The following ZNF407 variants were observed in gnomAD, a reference collection of about 807,000 sequenced individuals.
ZNF407 encodes zinc finger protein 407.
ZNF407 carries 17 observed loss-of-function variants against 131.2 expected under a neutral mutation model. The observed-to-expected ratio is 0.13, with a 90% CI of 0.09 to 0.19. The LOEUF (loss-of-function observed/expected upper bound fraction) is 0.19. Ranked by LOEUF, ZNF407 falls within the 10% of genes least tolerant of loss-of-function variation. ZNF407 has a pLI of 1.00. For synonymous variants in ZNF407, 1,156 were observed against 1,062.0 expected, an observed-to-expected ratio of 1.09 and a Z score of -1.72; for missense variants, 2,681 against 2,830.6, an observed-to-expected ratio of 0.95 and a Z score of 1.20.
chr18:74,634,699 G>C lies in ZNF407; in HGVS notation c.3680G>C (p.Arg1227Pro), dbSNP rs752581906. 2 of 1,613,946 alleles carry C rather than the reference G, an allele frequency of 1.2e-6. No individual in the cohort carries two copies. The highest frequency in any genetic ancestry group is 3.3e-5 in the Admixed American group (2 of 60,014). ...ATATCGAATGATGCAGGTGAGCTGCGTGTCCATTGTGAGGGTGAAGGAGGA... is the reference window on the plus strand; with the variant it reads ...ATATCGAATGATGCAGGTGAGCTGCCTGTCCATTGTGAGGGTGAAGGAGGA... The part of the protein sequence containing the change: ...HEISNDAGEL[R>P]VHCEGEGGNA... Residue 1227 changes from arginine to proline, a missense_variant, in exon 2 of 9, where the codon CGT (arginine) becomes CCT (proline). Arg to Pro is a moderately radical substitution (Grantham distance 103, BLOSUM62 -2). This residue lies in a region of ZNF407 where 1,789 missense variants were observed against 1,748.7 expected (regional missense o/e 1.02). Coordinates refer to ENST00000299687, the MANE Select transcript of ZNF407 (RefSeq NM_017757.3).
intron 8 of ZNF407, among the ~76,000 whole-genome samples, chr18:75,045,207 AT>A (rs1384515905): frequency 2.0e-5 from 3 of 152,156 alleles, no homozygotes; most frequent in Non-Finnish European, 4.4e-5. Flanking sequence ...AAATGTGCAG[AT>A]GTGATCGTCT....
chr18:74,834,622 G>A (rs1273413404), intron 4 of ZNF407, among the ~76,000 whole-genome samples: 2 of 152,154 alleles, frequency 1.3e-5, no homozygotes, highest in Admixed American at 1.3e-4. Flanking sequence ...ATCATACATG[G>A]AAACTTCTGG....
chr18:75,039,601 G>A (rs974590339), intron 8 of ZNF407, among the ~76,000 whole-genome samples: 2 of 151,922 alleles, frequency 1.3e-5, no homozygotes, highest in African/African-American at 2.4e-5. Context: ...GTGTTATCCT[G>A]CATTTGCAGC....
rs1984116186 is a variant in ZNF407, at chr18:74,631,944, A to C, written c.925A>C (p.Lys309Gln). ...TGTTCACTCAAAACCAAGAACTTCT[A>C]AATCAATAGCAAAGAATAGTGATTC... ...KNVHSKPRTS[K>Q]SIAKNSDSKG... The change falls in exon 2 of 9, where the codon AAA becomes CAA. Residue 309 changes from lysine (K) to glutamine (Q), a missense_variant. By Grantham distance (53) the Lys-to-Gln change is moderately conservative. Coordinates refer to ENST00000299687, the MANE Select transcript of ZNF407 (RefSeq NM_017757.3). 1.2e-6 allele frequency: 2 copies of C among 1,613,880 alleles called. No homozygotes were observed. The highest frequency in any genetic ancestry group is 1.7e-5 in the Admixed American group (1 of 60,004).
intron 8 of ZNF407, among the ~76,000 whole-genome samples, chr18:75,014,631 C>A (rs1973021942): frequency 6.6e-6 from 1 of 151,970 alleles, no homozygotes; most frequent in Admixed American, 6.6e-5. Flanking sequence ...TTAAAACCAT[C>A]GACCAAAATA....
intron 3 of ZNF407, among the ~76,000 whole-genome samples, chr18:74,670,720 T>C (rs1005264230): frequency 6.6e-6 from 1 of 152,214 alleles, no homozygotes; most frequent in Admixed American, 6.5e-5. Context: ...GTGTGTTGCT[T>C]AGGCTGGAGC....
At chr18:74,647,185 G>A (rs1985010886) in intron 3 of ZNF407, among the ~76,000 whole-genome samples, 1 of 151,948 alleles carries the variant, frequency 6.6e-6, no homozygotes, top group South Asian at 2.1e-4. Context: ...GCTCATGCCT[G>A]TAATCCCAGC....
intron 3 of ZNF407, among the ~76,000 whole-genome samples, chr18:74,746,401 G>T (rs972068175): frequency 6.6e-6 from 1 of 151,966 alleles, no homozygotes. Flanking sequence ...GTATCTTACT[G>T]CAAGTTTTTC....
intron 3 of ZNF407, among the ~76,000 whole-genome samples, chr18:74,699,791 C>CT (rs1304484625): frequency 6.6e-6 from 1 of 152,152 alleles, no homozygotes; most frequent in Non-Finnish European, 1.5e-5. Flanking sequence ...TTAAATCATA[C>CT]TTTAAGTAAT....
At chr18:74,863,959 A>G (rs1318342985) in intron 4 of ZNF407, among the ~76,000 whole-genome samples, 1 of 152,042 alleles carries the variant, frequency 6.6e-6, no homozygotes. Context: ...TGTTTTTTTA[A>G]CTATCTTAGA....
intron 8 of ZNF407, among the ~76,000 whole-genome samples, chr18:74,950,242 A>G (rs1440401458): frequency 1.3e-5 from 2 of 152,236 alleles, no homozygotes; most frequent in Non-Finnish European, 2.9e-5. Context: ...AAACGCTTCA[A>G]TATGTGGCTG....
intron 3 of ZNF407, among the ~76,000 whole-genome samples, chr18:74,715,834 C>A (rs1189502142): frequency 6.6e-6 from 1 of 152,144 alleles, no homozygotes; most frequent in Non-Finnish European, 1.5e-5. Flanking sequence ...CATATTTTGA[C>A]CTGGAGAAGG....
chr18:74,920,050 C>T (rs2145240810), intron 7 of ZNF407, among the ~76,000 whole-genome samples: 1 of 152,306 alleles, frequency 6.6e-6, no homozygotes, highest in South Asian at 2.1e-4. Flanking sequence ...ACAATTCCAT[C>T]TTCACATTAT....
chr18:74,766,037 GTGTGTGTGTGTGTGTGTGT>G (rs1969223499), intron 3 of ZNF407, among the ~76,000 whole-genome samples: 1 of 17,502 alleles, frequency 5.7e-5, no homozygotes, highest in Admixed American at 8.2e-4. Context: ...GTGTGTGTGT[GTGTGTGTGTGTGTGTGTGT>G]CTGTGTCTGT....
chr18:74,864,301 A>G (rs571787398), intron 4 of ZNF407, among the ~76,000 whole-genome samples: 2 of 152,340 alleles, frequency 1.3e-5, no homozygotes, highest in South Asian at 4.1e-4. Flanking sequence ...GTTAGTGGAA[A>G]TTAGAATTAT....
At chr18:74,947,829 C>T (rs1032349842) in intron 8 of ZNF407, among the ~76,000 whole-genome samples, 4 of 152,210 alleles carry the variant, frequency 2.6e-5, no homozygotes, top group Non-Finnish European at 4.4e-5. Flanking sequence ...TTTCTCCCTG[C>T]GCCTTTTGTT....
At chr18:74,766,533 T>C (rs477809) in intron 3 of ZNF407, among the ~76,000 whole-genome samples, 149,878 of 152,306 alleles carry the variant, frequency 0.98, 73,809 homozygotes, top group Middle Eastern at 1. Context: ...TGCTGGCTTT[T>C]CTTAACCAGC....
intron 4 of ZNF407, among the ~76,000 whole-genome samples, chr18:74,873,455 T>C (rs1276097431): frequency 6.6e-6 from 1 of 152,200 alleles, no homozygotes; most frequent in Non-Finnish European, 1.5e-5. Context: ...AGCCCACATT[T>C]AGTAGGGTGC....
At position 75,045,077 on chromosome 18, in the gene ZNF407, T is replaced by C. The variant is rs778008705; in HGVS notation, c.5429-18073T>C. 1.2e-3 allele frequency among the ~76,000 whole-genome samples: 132 copies of C among 108,818 alleles called. 3 individuals carry two copies. Among genetic ancestry groups the C allele is most frequent in the Non-Finnish European group, 5.6e-4 (30 of 53,484 alleles). 71.4% of individuals were successfully genotyped at this position (108,818 alleles called of 152,430 possible). The stretch of plus-strand genomic sequence containing the variant: ...ATCTGGGTGTGGGGGGGTGTGGGCA[T>C]GTATGTGGGGGGTGTGGGTGGGGTG... On this transcript the variant is annotated intron_variant, in intron 8 of 8. Coordinates refer to ENST00000299687, the MANE Select transcript of ZNF407 (RefSeq NM_017757.3).
Sources: allele counts gnomAD v4.1 joint callset (sites outside exome capture counted in the v4.1 genomes callset), GRCh38; gene constraint gnomAD v4.1.1; regional missense constraint gnomAD v4.1.1; transcripts MANE v1.5; gene names NCBI Gene and HGNC (gene_info 2026-07-23, HGNC 2026-07-21).